The following DNM3 variants were observed in gnomAD, a reference collection of about 807,000 sequenced individuals.
DNM3 encodes dynamin-3.
In DNM3, 47 loss-of-function variants were observed where a neutral mutation model predicts 101.6. That is an observed-to-expected ratio of 0.46 (90% CI 0.37 to 0.59). The LOEUF is 0.59. Among genes scored for constraint, DNM3 ranks in the 20% least tolerant of loss-of-function variants. The pLI, the probability that DNM3 is intolerant of heterozygous loss-of-function variation, is 0.00. For synonymous variants in DNM3, 385 were observed against 387.9 expected, an observed-to-expected ratio of 0.99 and a Z score of 0.09; for missense variants, 849 against 1,085.7, an observed-to-expected ratio of 0.78 and a Z score of 3.06.
chr1:172,045,943 A>G (rs1431117975), intron 9 of DNM3, among the ~76,000 whole-genome samples: 2 of 152,174 alleles, frequency 1.3e-5, no homozygotes, highest in Admixed American at 1.3e-4. Flanking sequence ...TAAAATTTAG[A>G]CAATCTGTTG....
intron 14 of DNM3, among the ~76,000 whole-genome samples, chr1:172,213,944 G>A (rs999497414): frequency 2.0e-5 from 3 of 151,982 alleles, no homozygotes; most frequent in Admixed American, 1.3e-4. Flanking sequence ...ATCATTATTT[G>A]GCATAGCAAG....
At chr1:172,016,383 G>T (rs1403475647) in intron 4 of DNM3, among the ~76,000 whole-genome samples, 5 of 145,878 alleles carry the variant, frequency 3.4e-5, no homozygotes, top group Non-Finnish European at 6.3e-5. Context: ...AGGATCATGT[G>T]ATTTTTTCCC....
chr1:172,364,786 G>A (rs920372734), intron 17 of DNM3, among the ~76,000 whole-genome samples: 1 of 151,786 alleles, frequency 6.6e-6, no homozygotes, highest in African/African-American at 2.4e-5. Flanking sequence ...GACAGTGAGT[G>A]AGTTCTTATA....
At chr1:172,128,803 G>A (rs1431311191) in intron 13 of DNM3, among the ~76,000 whole-genome samples, 1 of 151,878 alleles carries the variant, frequency 6.6e-6, no homozygotes, top group Non-Finnish European at 1.5e-5. Flanking sequence ...CATAAATCCT[G>A]TTGATTTTAC....
intron 14 of DNM3, among the ~76,000 whole-genome samples, chr1:172,179,420 T>G (rs1009728878): frequency 6.6e-6 from 1 of 151,962 alleles, no homozygotes; most frequent in Non-Finnish European, 1.5e-5. Flanking sequence ...AAGGATTATA[T>G]AAGTATTAAT....
chr1:171,948,918 G>C (rs1161273268), intron 2 of DNM3, among the ~76,000 whole-genome samples: 1 of 152,054 alleles, frequency 6.6e-6, no homozygotes, highest in East Asian at 1.9e-4. Context: ...TATGTAATTT[G>C]TTTAGATAGA....
chr1:172,367,863 G>C (rs149665479), intron 17 of DNM3, among the ~76,000 whole-genome samples: 128 of 151,862 alleles, frequency 8.4e-4, no homozygotes, highest in African/African-American at 2.6e-3. Flanking sequence ...ATATGTCTTG[G>C]GAGGGACCTG....
intron 1 of DNM3, among the ~76,000 whole-genome samples, chr1:171,854,743 A>AT (rs1375987452): frequency 0.02 from 2,873 of 144,914 alleles, 75 homozygotes; most frequent in African/African-American, 0.059. Context: ...TGCCAGGCTA[A>AT]TTTTTTTTTT....
intron 1 of DNM3, among the ~76,000 whole-genome samples, chr1:171,860,564 G>A (rs1472547416): frequency 6.6e-6 from 1 of 152,080 alleles, no homozygotes; most frequent in Non-Finnish European, 1.5e-5. Context: ...AACATTTAAA[G>A]TTATTTACAT....
At chr1:172,223,272 CTT>C (rs398049746) in intron 14 of DNM3, among the ~76,000 whole-genome samples, 54 of 135,492 alleles carry the variant, frequency 4.0e-4, no homozygotes, top group Middle Eastern at 3.8e-3. Flanking sequence ...TTTTTCTTTT[CTT>C]TTTTTTTTTT....
chr1:172,358,898 A>AG (rs1553244092), intron 17 of DNM3, among the ~76,000 whole-genome samples: 4 of 15,898 alleles, frequency 2.5e-4, no homozygotes, highest in South Asian at 4.1e-3. Flanking sequence ...AAATGGTGCA[A>AG]GGAAAAAAAA....
intron 17 of DNM3, among the ~76,000 whole-genome samples, chr1:172,357,127 T>C (rs2067492402): frequency 6.6e-6 from 1 of 152,048 alleles, no homozygotes; most frequent in African/African-American, 2.4e-5. Flanking sequence ...AATTAATTAA[T>C]TTAGAAGAGA....
intron 1 of DNM3, among the ~76,000 whole-genome samples, chr1:171,867,310 G>T (rs754948574): frequency 4.3e-4 from 65 of 152,186 alleles, no homozygotes; most frequent in African/African-American, 1.3e-3. Context: ...AGTAGTTGAG[G>T]AATACTGTGC....
intron 15 of DNM3, among the ~76,000 whole-genome samples, chr1:172,305,843 A>G (rs2064782001): frequency 6.6e-6 from 1 of 152,232 alleles, no homozygotes; most frequent in Non-Finnish European, 1.5e-5. Flanking sequence ...CCTTCACACT[A>G]AAAACTCTCA....
At chr1:171,931,217 AG>A (rs1459279432) in intron 2 of DNM3, among the ~76,000 whole-genome samples, 1 of 152,232 alleles carries the variant, frequency 6.6e-6, no homozygotes, top group Non-Finnish European at 1.5e-5. Flanking sequence ...AACAGTGTTA[AG>A]ATGGCAATGC....
intron 15 of DNM3, among the ~76,000 whole-genome samples, chr1:172,267,388 T>TG (rs2062905125): frequency 1.3e-5 from 2 of 152,184 alleles, no homozygotes; most frequent in Non-Finnish European, 2.9e-5. Context: ...GCCTAGAACT[T>TG]CAAATGCAAG....
chr1:172,088,165 T>C (rs1358529364), intron 12 of DNM3, among the ~76,000 whole-genome samples: 1 of 152,224 alleles, frequency 6.6e-6, no homozygotes, highest in Non-Finnish European at 1.5e-5. Context: ...TTGATGCTCT[T>C]GACTATCAAG....
At position 172,386,814 on chromosome 1, in the gene DNM3, A is replaced by G. The variant is rs118163288; in HGVS notation, c.2059-319A>G. 2.1e-4 allele frequency: 58 copies of G among 270,284 alleles called. No homozygotes were observed. The East Asian group carries it at 4.2e-3, about 20-fold the overall frequency. 16.7% of individuals were successfully genotyped at this position (270,284 alleles called of 1,614,324 possible). Reference sequence around the variant, plus strand: ...ACCTTCCCTCTTCTATAAGCCAAACAGCTCCAGACAATATTGTGAAATGCT... The same window carrying G: ...ACCTTCCCTCTTCTATAAGCCAAACGGCTCCAGACAATATTGTGAAATGCT... On this transcript the variant is annotated intron_variant, in intron 18 of 20. Coordinates refer to ENST00000627582, the MANE Select transcript of DNM3 (RefSeq NM_015569.5).
chr1:172,191,455 C>T (rs1395045003), intron 14 of DNM3, among the ~76,000 whole-genome samples: 1 of 152,140 alleles, frequency 6.6e-6, no homozygotes, highest in Non-Finnish European at 1.5e-5. Flanking sequence ...AGCATGATGC[C>T]TCCAGCTTTG....
Sources: gnomAD v4.1 joint callset for allele counts (sites outside exome capture counted in the v4.1 genomes callset) on GRCh38, gnomAD v4.1.1 for gene constraint, MANE v1.5 for transcripts, NCBI Gene and HGNC (gene_info 2026-07-23, HGNC 2026-07-21) for gene names.